COL5A2: variants seen among roughly 807,000 people sequenced by gnomAD.
COL5A2 encodes collagen type V alpha 2 chain, also known as collagen alpha-2(V) chain.
A neutral mutation model predicts 208.2 loss-of-function variants in COL5A2; 23 were observed. That is an observed-to-expected ratio of 0.11 (90% CI 0.08 to 0.16). The LOEUF is 0.16. Ranked by LOEUF, COL5A2 falls within the 10% of genes least tolerant of loss-of-function variation. The pLI, the probability that COL5A2 is intolerant of heterozygous loss-of-function variation, is 1.00. For missense variants in COL5A2, 1,590 were observed against 1,956.4 expected (o/e 0.81, Z 3.53); for synonymous variants, 625 against 628.5 (o/e 0.99, Z 0.08).
chr2:189,344,810 G>A, the COL5A2 span, among the ~76,000 whole-genome samples: 1 of 152,208 alleles, frequency 6.6e-6, no homozygotes, highest in Non-Finnish European at 1.5e-5. Flanking sequence ...AAGAAAGAGA[G>A]ACCAAGACTC....
At chr2:189,278,621 C>A in the COL5A2 span, among the ~76,000 whole-genome samples, 3 of 152,012 alleles carry the variant, frequency 2.0e-5, no homozygotes, top group Non-Finnish European at 4.4e-5. Flanking sequence ...GAGCTTTCAA[C>A]CTGAATTCTT....
At chr2:189,107,933 A>G (rs976852430) in intron 2 of COL5A2, among the ~76,000 whole-genome samples, 1 of 151,692 alleles carries the variant, frequency 6.6e-6, no homozygotes, top group Non-Finnish European at 1.5e-5. Context: ...TTCTTCTAGC[A>G]TTCCATTTTA....
chr2:189,241,619 G>A, the COL5A2 span, among the ~76,000 whole-genome samples: 2 of 152,172 alleles, frequency 1.3e-5, no homozygotes, highest in Admixed American at 6.5e-5. Context: ...CCAGGAGGTT[G>A]AGGCTGCACT....
the COL5A2 span, among the ~76,000 whole-genome samples, chr2:189,264,475 T>C: frequency 3.9e-5 from 6 of 152,166 alleles, no homozygotes; most frequent in Middle Eastern, 3.2e-3. Context: ...TTTGATTATA[T>C]TTGTAGTAAA....
chr2:189,194,767 G>T (rs1688976401), intron 1 of COL5A2, among the ~76,000 whole-genome samples: 1 of 152,124 alleles, frequency 6.6e-6, no homozygotes, highest in Admixed American at 6.5e-5. Context: ...TTTGAGATAA[G>T]TTCCATCAAT....
At chr2:189,301,670 T>C in the COL5A2 span, among the ~76,000 whole-genome samples, 1 of 152,178 alleles carries the variant, frequency 6.6e-6, no homozygotes, top group East Asian at 1.9e-4. Context: ...AAGATGAACT[T>C]CACCAGAGAT....
the COL5A2 span, among the ~76,000 whole-genome samples, chr2:189,232,693 G>A: frequency 6.6e-6 from 1 of 151,704 alleles, no homozygotes; most frequent in South Asian, 2.1e-4. Context: ...GGAAGTGACT[G>A]GGTGATGAGG....
intron 24 of COL5A2, 67 bp from the exon 25 acceptor site, chr2:189,064,722 A>G: frequency 3.5e-6 from 4 of 1,156,362 alleles, no homozygotes; most frequent in Non-Finnish European, 5.2e-6. Flanking sequence ...GCAGAAGTAA[A>G]ATTATCGTTT....
intron 8 of COL5A2, among the ~76,000 whole-genome samples, chr2:189,087,307 C>T (rs1158882858): frequency 6.6e-6 from 1 of 152,140 alleles, no homozygotes; most frequent in Non-Finnish European, 1.5e-5. Context: ...AAACTATCCA[C>T]ACAGGCTTTC....
At chr2:189,382,778 G>C in the COL5A2 span, among the ~76,000 whole-genome samples, 568 of 152,254 alleles carry the variant, frequency 3.7e-3, 5 homozygotes, top group African/African-American at 0.013. Flanking sequence ...ATTTTTTGCA[G>C]GTAGGGGATG....
intron 1 of COL5A2, among the ~76,000 whole-genome samples, chr2:189,138,079 A>G (rs1295560121): frequency 6.6e-6 from 1 of 152,050 alleles, no homozygotes; most frequent in African/African-American, 2.4e-5. Flanking sequence ...GGTTCAAGCA[A>G]TTCTCCTGCC....
the COL5A2 span, chr2:189,311,299 C>T: frequency 7.6e-7 from 1 of 1,309,044 alleles, no homozygotes; most frequent in Non-Finnish European, 1.1e-6. Context: ...TCTCAGACAC[C>T]ACTTGGCCAT....
At chr2:189,163,462 T>C (rs1008252316) in intron 1 of COL5A2, among the ~76,000 whole-genome samples, 5 of 152,126 alleles carry the variant, frequency 3.3e-5, no homozygotes, top group African/African-American at 1.2e-4. Flanking sequence ...TTATTTTGAA[T>C]TTTTTTTACA....
At chr2:189,249,758 G>A in the COL5A2 span, among the ~76,000 whole-genome samples, 1 of 152,194 alleles carries the variant, frequency 6.6e-6, no homozygotes. Flanking sequence ...GTGCAGTGGT[G>A]TGATCTCGGC....
chr2:189,385,822 C>A, the COL5A2 span, among the ~76,000 whole-genome samples: 3 of 152,016 alleles, frequency 2.0e-5, no homozygotes, highest in Admixed American at 2.0e-4. Flanking sequence ...AATAAAGCTG[C>A]ACAATAAGTA....
At chr2:189,062,062 AC>A (rs34868314) in intron 29 of COL5A2, among the ~76,000 whole-genome samples, 3 of 151,230 alleles carry the variant, frequency 2.0e-5, no homozygotes, top group East Asian at 2.0e-4. Context: ...AAACTGCCCC[AC>A]CCCCCCAAAA....
At chr2:189,350,123 G>A in the COL5A2 span, among the ~76,000 whole-genome samples, 1 of 152,052 alleles carries the variant, frequency 6.6e-6, no homozygotes, top group African/African-American at 2.4e-5. Flanking sequence ...TCCTAACTTT[G>A]AGGAGTAGAC....
intron 1 of COL5A2, among the ~76,000 whole-genome samples, chr2:189,126,078 C>G (rs1687602295): frequency 6.6e-6 from 1 of 152,032 alleles, no homozygotes; most frequent in Admixed American, 6.6e-5. Flanking sequence ...TATATGTGTT[C>G]TAAAGTTTTC....
intron 1 of COL5A2, among the ~76,000 whole-genome samples, chr2:189,175,804 C>T (rs1366067635): frequency 6.6e-6 from 1 of 152,060 alleles, no homozygotes; most frequent in African/African-American, 2.4e-5. Context: ...CCGCCCACCT[C>T]GGCCTCCCAA....
Sources: gnomAD v4.1 joint callset for allele counts (sites outside exome capture counted in the v4.1 genomes callset) on GRCh38, gnomAD v4.1.1 for gene constraint, MANE v1.5 for transcripts, NCBI Gene and HGNC (gene_info 2026-07-23, HGNC 2026-07-21) for gene names.